ATRNL1: variants seen among roughly 807,000 people sequenced by gnomAD.
ATRNL1 encodes the protein attractin-like protein 1.
Under a neutral mutation model 182.7 loss-of-function variants are expected in ATRNL1, and 95 were observed. That is an observed-to-expected ratio of 0.52 (90% CI 0.44 to 0.62). The LOEUF is 0.62. Among genes scored for constraint, ATRNL1 ranks in the 20% least tolerant of loss-of-function variants. ATRNL1 has a pLI of 0.00. For missense variants in ATRNL1, 1,471 were observed against 1,679.5 expected, an observed-to-expected ratio of 0.88 and a Z score of 2.17; for synonymous variants, 576 against 568.3, an observed-to-expected ratio of 1.01 and a Z score of -0.19.
intron 26 of ATRNL1, among the ~76,000 whole-genome samples, chr10:115,705,938 T>C (rs1009515377): frequency 1.1e-4 from 16 of 151,960 alleles, no homozygotes; most frequent in African/African-American, 3.9e-4. Context: ...ATCTAATTAG[T>C]GGACAGAGTT....
intron 27 of ATRNL1, among the ~76,000 whole-genome samples, chr10:115,821,365 T>C (rs1195966334): frequency 6.6e-6 from 1 of 152,180 alleles, no homozygotes. Context: ...CAATGGTCTT[T>C]ACAATTTGGT....
At chr10:115,521,702 A>G (rs1427643778) in intron 25 of ATRNL1, among the ~76,000 whole-genome samples, 2 of 152,220 alleles carry the variant, frequency 1.3e-5, no homozygotes, top group Non-Finnish European at 2.9e-5. Flanking sequence ...GGACAATGTA[A>G]AATAAAATAT....
At chr10:115,223,913 G>GTATATATATA (rs782380839) in intron 9 of ATRNL1, among the ~76,000 whole-genome samples, 3 of 55,940 alleles carry the variant, frequency 5.4e-5, no homozygotes, top group African/African-American at 2.5e-4. Flanking sequence ...GTGTGTGTGT[G>GTATATATATA]TATATATATA....
At chr10:115,915,088 TTGA>T (rs1952803770) in intron 28 of ATRNL1, among the ~76,000 whole-genome samples, 1 of 152,194 alleles carries the variant, frequency 6.6e-6, no homozygotes, top group African/African-American at 2.4e-5. Flanking sequence ...TGTAAATGTC[TTGA>T]TGATCAAAAA....
chr10:115,268,418 A>C lies in ATRNL1; in HGVS notation c.2074A>C (p.Ile692Leu). Residue 692 changes from isoleucine to leucine, a missense_variant, in exon 13 of 29, where the codon ATT (isoleucine) becomes CTT (leucine). Coordinates refer to ENST00000355044, the MANE Select transcript of ATRNL1 (RefSeq NM_207303.4). ...CCAATGGTGTGATGACAAGAAATGC[A>C]TTTCGGCAAATAGTAACTGCAGTAT... ...GCQWCDDKKC[I>L]SANSNCSMSV... 6.2e-7 allele frequency: 1 copy of C among 1,612,504 alleles called. No individual in the cohort carries two copies. The highest frequency in any genetic ancestry group is 8.5e-7 in the Non-Finnish European group (1 of 1,178,654).
intron 28 of ATRNL1, among the ~76,000 whole-genome samples, chr10:115,854,596 C>G (rs1951136353): frequency 6.6e-6 from 1 of 152,214 alleles, no homozygotes; most frequent in African/African-American, 2.4e-5. Context: ...GCATCTCAAC[C>G]TGGATTTCCT....
intron 27 of ATRNL1, among the ~76,000 whole-genome samples, chr10:115,815,859 T>A (rs2134268431): frequency 6.6e-6 from 1 of 152,236 alleles, no homozygotes; most frequent in East Asian, 1.9e-4. Flanking sequence ...TTTCCTGCCT[T>A]ATAATTCTTT....
At chr10:115,771,840 T>A (rs1427168569) in intron 27 of ATRNL1, among the ~76,000 whole-genome samples, 1 of 152,208 alleles carries the variant, frequency 6.6e-6, no homozygotes, top group African/African-American at 2.4e-5. Context: ...AAAGGCTTAT[T>A]TCTTCACATT....
chr10:115,096,895 T>C, intron 1 of ATRNL1: 1 of 802,650 alleles, frequency 1.2e-6, no homozygotes, highest in Non-Finnish European at 1.6e-6. Context: ...GGACTTGGGA[T>C]TGAGAATAGG....
chr10:115,515,899 T>G (rs1554983785), intron 24 of ATRNL1, among the ~76,000 whole-genome samples: 1 of 151,880 alleles, frequency 6.6e-6, no homozygotes, highest in East Asian at 1.9e-4. Context: ...TTGATCATCT[T>G]GGCACAACCC....
intron 27 of ATRNL1, among the ~76,000 whole-genome samples, chr10:115,734,643 A>T (rs1947895805): frequency 6.6e-6 from 1 of 152,098 alleles, no homozygotes; most frequent in South Asian, 2.1e-4. Context: ...GATCAAATAT[A>T]TTAAGCATTT....
rs1176013930 is a variant in ATRNL1, at chr10:115,946,893, TA to T, written c.*2118del. On this transcript the variant is annotated 3_prime_UTR_variant, in exon 29 of 29. Coordinates refer to ENST00000355044, the MANE Select transcript of ATRNL1 (RefSeq NM_207303.4). ...ATACAAAAACATACAGATTTAGATGTAAAATCTATATAAGCTATATTTTTAG... is the reference window on the plus strand; with the variant it reads ...ATACAAAAACATACAGATTTAGATGTAAATCTATATAAGCTATATTTTTAG... The T allele has an allele frequency of 6.6e-6, 1 of 152,200 alleles. No individual in the cohort carries two copies. Among genetic ancestry groups the T allele is most frequent in the Non-Finnish European group, 1.5e-5 (1 of 68,022 alleles). 9.4% of individuals were successfully genotyped at this position (152,200 alleles called of 1,614,324 possible).
chr10:115,782,806 T>G (rs1949298739), intron 27 of ATRNL1, among the ~76,000 whole-genome samples: 1 of 152,064 alleles, frequency 6.6e-6, no homozygotes, highest in Non-Finnish European at 1.5e-5. Flanking sequence ...AATATAAGAG[T>G]ATAACTATAT....
At chr10:115,314,383 A>T (rs1554928903) in intron 17 of ATRNL1, among the ~76,000 whole-genome samples, 1 of 152,094 alleles carries the variant, frequency 6.6e-6, no homozygotes, top group Non-Finnish European at 1.5e-5. Context: ...AATTTGTGCC[A>T]TTGTTTGTAG....
chr10:115,890,965 T>G (rs891651359), intron 28 of ATRNL1, among the ~76,000 whole-genome samples: 3 of 152,182 alleles, frequency 2.0e-5, no homozygotes, highest in Admixed American at 2.0e-4. Context: ...AGATGCCGAC[T>G]GGGGACTCAT....
At chr10:115,317,265 A>G (rs1241051637) in intron 18 of ATRNL1, among the ~76,000 whole-genome samples, 1 of 152,078 alleles carries the variant, frequency 6.6e-6, no homozygotes. Context: ...GTTCTGTTCC[A>G]TTGGTCTACA....
At chr10:115,489,833 A>G (rs1474057970) in intron 24 of ATRNL1, among the ~76,000 whole-genome samples, 1 of 152,116 alleles carries the variant, frequency 6.6e-6, no homozygotes, top group African/African-American at 2.4e-5. Context: ...TGGTCTTTGC[A>G]ATTTGGTATG....
At chr10:115,722,105 CAAAG>C (rs782637946) in intron 26 of ATRNL1, among the ~76,000 whole-genome samples, 25 of 151,942 alleles carry the variant, frequency 1.6e-4, no homozygotes, top group Non-Finnish European at 2.4e-4. Flanking sequence ...TACCATTTGA[CAAAG>C]AAATTTCAAA....
At chr10:115,905,894 C>T (rs906999453) in intron 28 of ATRNL1, among the ~76,000 whole-genome samples, 11 of 152,166 alleles carry the variant, frequency 7.2e-5, no homozygotes, top group Non-Finnish European at 1.6e-4. Context: ...GTTAATTCCT[C>T]CTCATGTCAT....
Sources: allele counts gnomAD v4.1 joint callset (sites outside exome capture counted in the v4.1 genomes callset), GRCh38; gene constraint gnomAD v4.1.1; transcripts MANE v1.5; gene names NCBI Gene and HGNC (gene_info 2026-07-23, HGNC 2026-07-21).